Variants in GRID2 observed in about 807,000 individuals in gnomAD.
The protein encoded by GRID2 is glutamate receptor ionotropic, delta-2.
A neutral mutation model predicts 114.8 loss-of-function variants in GRID2; 33 were observed. The ratio of observed to expected loss-of-function variants is 0.29; its 90% CI spans 0.22 to 0.38. The LOEUF (loss-of-function observed/expected upper bound fraction) is 0.38, where lower values mean the gene tolerates loss of function less well. Ranked by LOEUF, GRID2 falls within the 10% of genes least tolerant of loss-of-function variation. The pLI, the probability that GRID2 is intolerant of heterozygous loss-of-function variation, is 1.00. For synonymous variants in GRID2, 505 were observed against 449.9 expected (o/e 1.12, Z -1.55); for missense variants, 1,184 against 1,257.7 (o/e 0.94, Z 0.89).
chr4:92,749,843 C>A (rs1403632861), intron 2 of GRID2, among the ~76,000 whole-genome samples: 1 of 151,770 alleles, frequency 6.6e-6, no homozygotes, highest in Non-Finnish European at 1.5e-5. Flanking sequence ...TCTCCAGGCA[C>A]CTCACATTTT....
chr4:92,713,472 TATAC>T (rs1270934590), intron 2 of GRID2, among the ~76,000 whole-genome samples: 987 of 71,630 alleles, frequency 0.014, 3 homozygotes, highest in East Asian at 0.052. Flanking sequence ...TACATATACA[TATAC>T]ATATATATAT....
chr4:92,744,577 C>T (rs1005075467), intron 2 of GRID2, among the ~76,000 whole-genome samples: 3 of 151,900 alleles, frequency 2.0e-5, no homozygotes, highest in African/African-American at 4.8e-5. Flanking sequence ...TCTTTTCAAC[C>T]TCCTCCACTA....
intron 14 of GRID2, among the ~76,000 whole-genome samples, chr4:93,671,168 C>T (rs1724376543): frequency 6.6e-6 from 1 of 152,110 alleles, no homozygotes; most frequent in Non-Finnish European, 1.5e-5. Context: ...CAGAGTGCCT[C>T]GTCATGTTTC....
chr4:92,747,056 A>G (rs1034784028), intron 2 of GRID2, among the ~76,000 whole-genome samples: 6 of 152,150 alleles, frequency 3.9e-5, no homozygotes, highest in African/African-American at 9.6e-5. Context: ...AAAGTTTATC[A>G]TATAGGAGTT....
chr4:92,429,021 A>AC (rs1355743699), intron 1 of GRID2, among the ~76,000 whole-genome samples: 1 of 149,764 alleles, frequency 6.7e-6, no homozygotes, highest in Non-Finnish European at 1.5e-5. Flanking sequence ...CCTTACCTCC[A>AC]CCCCCCGACA....
intron 1 of GRID2, among the ~76,000 whole-genome samples, chr4:92,446,164 C>T (rs550227539): frequency 1.3e-5 from 2 of 152,148 alleles, no homozygotes; most frequent in East Asian, 3.9e-4. Context: ...CCAGGATGAT[C>T]TCGAACTCCT....
intron 3 of GRID2, among the ~76,000 whole-genome samples, chr4:93,107,893 T>G (rs17418902): frequency 0.029 from 4,452 of 152,198 alleles, 78 homozygotes; most frequent in Middle Eastern, 0.061. Context: ...ATCCTCTACT[T>G]GAAACTTTCA....
chr4:92,985,529 G>T (rs565905930), intron 2 of GRID2, among the ~76,000 whole-genome samples: 4 of 152,050 alleles, frequency 2.6e-5, no homozygotes, highest in Non-Finnish European at 5.9e-5. Flanking sequence ...AAGCCACCGC[G>T]TCCGGCCGGT....
chr4:93,154,311 A>G (rs1433195275), intron 4 of GRID2, among the ~76,000 whole-genome samples: 1 of 151,332 alleles, frequency 6.6e-6, no homozygotes, highest in Non-Finnish European at 1.5e-5. Context: ...CCACCACCCT[A>G]ACACCTTTCC....
intron 14 of GRID2, among the ~76,000 whole-genome samples, chr4:93,679,861 A>AAAAGAACT (rs1383754372): frequency 1.3e-5 from 2 of 151,118 alleles, no homozygotes. Context: ...CATCACAATT[A>AAAAGAACT]AAAGAACTAG....
intron 2 of GRID2, among the ~76,000 whole-genome samples, chr4:93,024,956 C>T (rs1723751142): frequency 1.3e-5 from 2 of 151,736 alleles, no homozygotes; most frequent in African/African-American, 4.8e-5. Context: ...GAAATGATAA[C>T]TAAAATGGCA....
chr4:93,543,710 TAGAGAGAGAGAG>T (rs34742442), intron 13 of GRID2, among the ~76,000 whole-genome samples: 1,354 of 133,592 alleles, frequency 0.01, 10 homozygotes, highest in South Asian at 0.022. Context: ...GAGTGAGAGA[TAGAGAGAGAGAG>T]AGAGAGAGAG....
At chr4:92,758,690 C>A (rs777821972) in intron 2 of GRID2, among the ~76,000 whole-genome samples, 4 of 152,126 alleles carry the variant, frequency 2.6e-5, no homozygotes, top group Middle Eastern at 3.2e-3. Flanking sequence ...GCAGTAATTA[C>A]ACCACTCAGA....
At chr4:93,456,190 G>A (rs1339460243) in intron 11 of GRID2, among the ~76,000 whole-genome samples, 2 of 152,082 alleles carry the variant, frequency 1.3e-5, no homozygotes. Flanking sequence ...TTTGATGTAA[G>A]TTTAATTTCA....
intron 14 of GRID2, among the ~76,000 whole-genome samples, chr4:93,636,074 A>C (rs1721386765): frequency 6.6e-6 from 1 of 152,282 alleles, no homozygotes; most frequent in Non-Finnish European, 1.5e-5. Context: ...ACTATATTCA[A>C]GATGCAACAG....
intron 10 of GRID2, among the ~76,000 whole-genome samples, chr4:93,438,609 T>A (rs1005371247): frequency 1.3e-5 from 2 of 152,034 alleles, no homozygotes; most frequent in African/African-American, 4.8e-5. Context: ...AATAATGGAA[T>A]GTCTACATTA....
intron 1 of GRID2, among the ~76,000 whole-genome samples, chr4:92,536,851 GA>G (rs541890894): frequency 3.0e-4 from 46 of 152,114 alleles, no homozygotes; most frequent in African/African-American, 1.0e-3. Flanking sequence ...AATTAGACCT[GA>G]AAAAAATGTT....
chr4:93,553,784 A>G (rs575891285), intron 13 of GRID2, among the ~76,000 whole-genome samples: 14 of 152,328 alleles, frequency 9.2e-5, no homozygotes, highest in East Asian at 3.9e-4. Flanking sequence ...AAATTAGTTT[A>G]GCATATATTT....
At chr4:93,026,555 A>G (rs1002732147) in intron 2 of GRID2, among the ~76,000 whole-genome samples, 1 of 151,892 alleles carries the variant, frequency 6.6e-6, no homozygotes, top group African/African-American at 2.4e-5. Flanking sequence ...TTTCTCATCC[A>G]TAAGTATTTT....
Sources: allele counts gnomAD v4.1 joint callset (sites outside exome capture counted in the v4.1 genomes callset), GRCh38; gene constraint gnomAD v4.1.1; transcripts MANE v1.5; gene names NCBI Gene and HGNC (gene_info 2026-07-23, HGNC 2026-07-21).